FRMD6: variants seen among roughly 807,000 people sequenced by gnomAD.
FRMD6 encodes the protein FERM domain-containing protein 6.
Under a neutral mutation model 73.2 loss-of-function variants are expected in FRMD6, and 37 were observed. The observed-to-expected ratio is 0.51, with a 90% CI of 0.39 to 0.66. The LOEUF (loss-of-function observed/expected upper bound fraction) is 0.66. FRMD6 is among the 30% of genes least tolerant of loss of function. The pLI, the probability that FRMD6 is intolerant of heterozygous loss-of-function variation, is 0.00. For missense variants in FRMD6, 714 were observed against 780.5 expected, an observed-to-expected ratio of 0.91 and a Z score of 1.02; for synonymous variants, 273 against 282.2, an observed-to-expected ratio of 0.97 and a Z score of 0.33.
chr14:51,518,470 G>T (rs1596529065), intron 1 of FRMD6, among the ~76,000 whole-genome samples: 1 of 152,182 alleles, frequency 6.6e-6, no homozygotes, highest in Non-Finnish European at 1.5e-5. Flanking sequence ...CCAGCTCTGT[G>T]TAGTGGGGAT....
At chr14:51,416,150 C>T in the FRMD6 span, among the ~76,000 whole-genome samples, 1 of 152,256 alleles carries the variant, frequency 6.6e-6, no homozygotes, top group East Asian at 1.9e-4. Context: ...GTCTCTATCT[C>T]CTTCAGTTCT....
At chr14:51,651,331 C>G (rs1307976399), upstream of FRMD6, 1 of 152,132 alleles carries the variant, frequency 6.6e-6, no homozygotes, top group Non-Finnish European at 1.5e-5. Context: ...CAGGGGGCTG[C>G]AGGATTCACG....
chr14:51,573,465 A>T (rs1487254420), intron 2 of FRMD6, among the ~76,000 whole-genome samples: 1 of 152,202 alleles, frequency 6.6e-6, no homozygotes, highest in Non-Finnish European at 1.5e-5. Context: ...TGAAACAGAT[A>T]TTCCAGGAAT....
intron 1 of FRMD6, among the ~76,000 whole-genome samples, chr14:51,529,855 C>A (rs1024050610): frequency 6.6e-6 from 1 of 152,144 alleles, no homozygotes; most frequent in Non-Finnish European, 1.5e-5. Flanking sequence ...TGGCACAAAC[C>A]AACAAAAGCA....
chr14:51,434,745 T>C, the FRMD6 span, among the ~76,000 whole-genome samples: 1 of 152,136 alleles, frequency 6.6e-6, no homozygotes, highest in East Asian at 1.9e-4. Context: ...CTCCTAATTA[T>C]TACAAAGGGA....
chr14:51,431,525 A>G, the FRMD6 span, among the ~76,000 whole-genome samples: 2 of 152,342 alleles, frequency 1.3e-5, no homozygotes, highest in Admixed American at 1.3e-4. Context: ...GAGATGATTA[A>G]TGCCTGCATT....
At chr14:51,550,718 C>T (rs1235353510) in intron 1 of FRMD6, among the ~76,000 whole-genome samples, 1 of 152,106 alleles carries the variant, frequency 6.6e-6, no homozygotes, top group Non-Finnish European at 1.5e-5. Context: ...TGTAACTCTC[C>T]TACTCACTAC....
intron 1 of FRMD6, among the ~76,000 whole-genome samples, chr14:51,545,566 T>C (rs1384883466): frequency 6.6e-6 from 1 of 152,052 alleles, no homozygotes; most frequent in East Asian, 1.9e-4. Flanking sequence ...ATGAGTCAAC[T>C]GTCAATCTGG....
chr14:51,665,726 C>A (rs1893536945), intron 1 of FRMD6, among the ~76,000 whole-genome samples: 1 of 152,184 alleles, frequency 6.6e-6, no homozygotes, highest in Non-Finnish European at 1.5e-5. Flanking sequence ...TCCAAGAATT[C>A]CCATGTGTTG....
chr14:51,496,197 C>T (rs748569857), intron 1 of FRMD6, among the ~76,000 whole-genome samples: 3 of 152,186 alleles, frequency 2.0e-5, no homozygotes, highest in Admixed American at 6.5e-5. Context: ...AGTGTTCCAA[C>T]TGCAGCAGAA....
intron 2 of FRMD6, among the ~76,000 whole-genome samples, chr14:51,612,364 T>C (rs974783436): frequency 6.6e-6 from 1 of 152,222 alleles, no homozygotes; most frequent in African/African-American, 2.4e-5. Flanking sequence ...GTACAAAATA[T>C]ATCATCATTG....
intron 1 of FRMD6, among the ~76,000 whole-genome samples, chr14:51,551,813 T>C (rs1166392385): frequency 6.6e-6 from 1 of 151,844 alleles, no homozygotes; most frequent in Non-Finnish European, 1.5e-5. Flanking sequence ...ATGCATATAA[T>C]ATAAAATGCA....
chr14:51,428,015 G>A, the FRMD6 span, among the ~76,000 whole-genome samples: 3 of 152,198 alleles, frequency 2.0e-5, no homozygotes, highest in East Asian at 1.9e-4. Context: ...CACGGGAATC[G>A]TTTTGGGAGG....
intron 2 of FRMD6, among the ~76,000 whole-genome samples, chr14:51,622,758 A>G (rs1890970161): frequency 6.6e-6 from 1 of 152,040 alleles, no homozygotes; most frequent in Non-Finnish European, 1.5e-5. Context: ...GCACTGACGC[A>G]TTGTGTGGCT....
At chr14:51,565,222 C>G (rs1393313411) in intron 1 of FRMD6, 1 of 152,222 alleles carries the variant, frequency 6.6e-6, no homozygotes, top group Non-Finnish European at 1.5e-5. Flanking sequence ...AGTCTGGCAA[C>G]TTTCAGAACA....
chr14:51,523,341 A>C (rs1345618883), intron 1 of FRMD6, among the ~76,000 whole-genome samples: 1 of 152,208 alleles, frequency 6.6e-6, no homozygotes, highest in African/African-American at 2.4e-5. Context: ...ACAGGCAGAA[A>C]AAAAAGGTGC....
chr14:51,666,590 TTTC>T (rs1893610811), intron 1 of FRMD6, among the ~76,000 whole-genome samples: 3 of 152,216 alleles, frequency 2.0e-5, no homozygotes, highest in African/African-American at 4.8e-5. Context: ...ATTCCTTAAC[TTTC>T]TCATATATAT....
chr14:51,419,995 GCCC>G, the FRMD6 span, among the ~76,000 whole-genome samples: 2 of 133,660 alleles, frequency 1.5e-5, no homozygotes, highest in Non-Finnish European at 3.5e-5. Context: ...GTGACTTCCT[GCCC>G]TCGTTAGGTG....
intron 1 of FRMD6, among the ~76,000 whole-genome samples, chr14:51,676,474 T>C (rs1224402034): frequency 6.6e-6 from 1 of 152,176 alleles, no homozygotes; most frequent in African/African-American, 2.4e-5. Context: ...TGGTACATGG[T>C]GGTTACATGG....
Sources: allele counts gnomAD v4.1 joint callset (sites outside exome capture counted in the v4.1 genomes callset), GRCh38; gene constraint gnomAD v4.1.1; transcripts MANE v1.5; gene names NCBI Gene and HGNC (gene_info 2026-07-23, HGNC 2026-07-21).